The following WSCD2 variants were observed in gnomAD, a reference collection of about 807,000 sequenced individuals.
The protein encoded by WSCD2 is sialate:O-sulfotransferase 2.
A neutral mutation model predicts 55.7 loss-of-function variants in WSCD2; 28 were observed. That is an observed-to-expected ratio of 0.50 (90% CI 0.37 to 0.69). The LOEUF (loss-of-function observed/expected upper bound fraction) is 0.69. Among genes scored for constraint, WSCD2 ranks in the 30% least tolerant of loss-of-function variants. WSCD2 has a pLI of 0.00. For synonymous variants in WSCD2, 301 were observed against 301.9 expected (o/e 1.00, Z 0.03); for missense variants, 616 against 762.1 (o/e 0.81, Z 2.26).
intron 1 of WSCD2, among the ~76,000 whole-genome samples, chr12:108,187,239 G>A (rs1438688911): frequency 1.3e-5 from 2 of 152,184 alleles, no homozygotes; most frequent in Non-Finnish European, 2.9e-5. Context: ...AGCAAGGGGT[G>A]GGTGTCACAT....
At chr12:108,177,336 G>C (rs1028567828) in intron 1 of WSCD2, among the ~76,000 whole-genome samples, 1 of 152,166 alleles carries the variant, frequency 6.6e-6, no homozygotes, top group Admixed American at 6.5e-5. Flanking sequence ...CCCAGAGTGA[G>C]AGCCCCTGCT....
chr12:108,130,081 G>A (rs1176889619), intron 1 of WSCD2, among the ~76,000 whole-genome samples, 155 bp downstream of exon 1: 1 of 152,236 alleles, frequency 6.6e-6, no homozygotes, highest in Admixed American at 6.5e-5. Context: ...CGGCGAGTGA[G>A]GAACCCAGAG....
intron 2 of WSCD2, among the ~76,000 whole-genome samples, chr12:108,204,090 C>T (rs1007969497): frequency 1.3e-5 from 2 of 152,202 alleles, no homozygotes; most frequent in Admixed American, 6.5e-5. Context: ...TCAGTTGCCT[C>T]ATCTCTAAAA....
intron 1 of WSCD2, among the ~76,000 whole-genome samples, chr12:108,177,844 C>T (rs1219034228): frequency 6.6e-6 from 1 of 152,016 alleles, no homozygotes; most frequent in African/African-American, 2.4e-5. Flanking sequence ...GAGGGTGATT[C>T]GCTGAGAGGG....
chr12:108,146,057 A>G (rs774811115), intron 1 of WSCD2, among the ~76,000 whole-genome samples: 2 of 152,204 alleles, frequency 1.3e-5, no homozygotes, highest in Non-Finnish European at 2.9e-5. Context: ...AGGGGTCTCA[A>G]GGTGCTGGCA....
chr12:108,241,916 T>C (rs1365620772), intron 8 of WSCD2, among the ~76,000 whole-genome samples: 1 of 152,196 alleles, frequency 6.6e-6, no homozygotes, highest in Non-Finnish European at 1.5e-5. Flanking sequence ...TTCCATAAAG[T>C]GGTAGAGCTG....
At chr12:108,168,929 C>G (rs1879938638) in intron 1 of WSCD2, among the ~76,000 whole-genome samples, 1 of 152,212 alleles carries the variant, frequency 6.6e-6, no homozygotes. Flanking sequence ...CTGGGCCACA[C>G]AGCAGGAGGT....
chr12:108,198,496 C>CTGAT (rs1884246637), intron 2 of WSCD2, among the ~76,000 whole-genome samples: 2 of 152,294 alleles, frequency 1.3e-5, no homozygotes, highest in East Asian at 3.9e-4. Context: ...TCCATGTCCC[C>CTGAT]TGATAGAATA....
chr12:108,155,268 G>A (rs1160680892), intron 1 of WSCD2, among the ~76,000 whole-genome samples: 1 of 152,150 alleles, frequency 6.6e-6, no homozygotes, highest in Non-Finnish European at 1.5e-5. Flanking sequence ...TTGGTATATG[G>A]GGGTAGTGTT....
intron 4 of WSCD2, among the ~76,000 whole-genome samples, chr12:108,221,391 C>A (rs1221674124): frequency 6.6e-6 from 1 of 152,126 alleles, no homozygotes; most frequent in Non-Finnish European, 1.5e-5. Context: ...CCCATCTCTA[C>A]TAAAAATACA....
rs566601996 is a variant in WSCD2 at position 108,143,686 on chromosome 12, C to T, written c.-552+13760C>T. Among the ~76,000 whole-genome samples the T allele has an allele frequency of 2.5e-4, 38 of 152,256 alleles. 1 individual carries two copies. The highest frequency in any genetic ancestry group is 9.8e-4 in the Admixed American group (15 of 15,308). Reference sequence around the variant, plus strand: ...TGATAATATAGGCCAGACAGGGGCCCGTCAGTATCCAGGGCGATGGGAGGC... The same window carrying T: ...TGATAATATAGGCCAGACAGGGGCCTGTCAGTATCCAGGGCGATGGGAGGC... On this transcript the variant is annotated intron_variant, in intron 1 of 8. Coordinates refer to ENST00000547525, the MANE Select transcript of WSCD2 (RefSeq NM_014653.4).
At chr12:108,161,565 G>A (rs969598019) in intron 1 of WSCD2, among the ~76,000 whole-genome samples, 1 of 152,154 alleles carries the variant, frequency 6.6e-6, no homozygotes, top group Non-Finnish European at 1.5e-5. Context: ...TTCTCTCACA[G>A]CCCCCAGAGG....
At chr12:108,175,940 T>C (rs1003852293) in intron 1 of WSCD2, among the ~76,000 whole-genome samples, 2 of 152,002 alleles carry the variant, frequency 1.3e-5, no homozygotes, top group African/African-American at 4.8e-5. Context: ...CCTGGGTTCA[T>C]GCCATTCTCC....
intron 6 of WSCD2, among the ~76,000 whole-genome samples, chr12:108,228,510 C>G (rs968203029): frequency 1.1e-4 from 16 of 152,204 alleles, no homozygotes; most frequent in African/African-American, 3.9e-4. Context: ...GTCTGGAGAG[C>G]CAAGAAAACA....
At chr12:108,226,939 G>A in intron 5 of WSCD2, 51 bp from the exon 6 acceptor site, 1 of 1,574,422 alleles carries the variant, frequency 6.4e-7, no homozygotes, top group African/African-American at 1.4e-5. Context: ...GTCTGAAGCT[G>A]TCCAGGGATT....
At chr12:108,172,306 CCTA>C (rs1880327467) in intron 1 of WSCD2, among the ~76,000 whole-genome samples, 1 of 152,154 alleles carries the variant, frequency 6.6e-6, no homozygotes, top group African/African-American at 2.4e-5. Context: ...TCACAAAAGT[CCTA>C]CTTTTAGCCC....
In WSCD2 at chr12:108,249,542, C is replaced by T. The variant is rs369429969; in HGVS notation, c.*1199C>T. On this transcript the variant is annotated 3_prime_UTR_variant, in exon 9 of 9. Coordinates refer to ENST00000547525, the MANE Select transcript of WSCD2 (RefSeq NM_014653.4). ...TCCAGAGTCCCATCTCTTCCCCAAC[C>T]CTGGATACCAGTAGCTTCCCACCCA... 2.8e-4 allele frequency: 42 copies of T among 152,704 alleles called. No homozygotes were observed. Among genetic ancestry groups the T allele is most frequent in the African/African-American group, 8.7e-4 (36 of 41,562 alleles). 9.5% of individuals were successfully genotyped at this position (152,704 alleles called of 1,614,324 possible). A position where few individuals can be genotyped will look rare whatever the true frequency, so the allele number is the denominator to read the frequency against.
intron 4 of WSCD2, among the ~76,000 whole-genome samples, chr12:108,218,972 G>A (rs1364280463): frequency 6.6e-6 from 1 of 152,190 alleles, no homozygotes; most frequent in East Asian, 1.9e-4. Context: ...GGGGAAATAA[G>A]TATTTTTATC....
Position 108,248,750 on chromosome 12 carries a change from C to T in WSCD2, c.*407C>T. 3 of 998,684 alleles carry T rather than the reference C, an allele frequency of 3.0e-6. No homozygotes were observed. Among genetic ancestry groups the T allele is most frequent in the Non-Finnish European group, 2.4e-6 (2 of 836,898 alleles). 61.9% of individuals were successfully genotyped at this position (998,684 alleles called of 1,614,324 possible). ...AGAGCCCAGGGGGCTATTGTAAAAA[C>T]TTGGCCCCAGATGCTTGTCCCTTCT... On this transcript the variant is annotated 3_prime_UTR_variant, in exon 9 of 9. Coordinates refer to ENST00000547525, the MANE Select transcript of WSCD2 (RefSeq NM_014653.4). This position sits in a 1 kb window ranked among gnomAD's most constrained non-coding sequence, Gnocchi z 4.3.
Sources: allele counts gnomAD v4.1 joint callset (sites outside exome capture counted in the v4.1 genomes callset), GRCh38; gene constraint gnomAD v4.1.1; non-coding constraint Gnocchi (gnomAD v3.1); transcripts MANE v1.5; gene names NCBI Gene and HGNC (gene_info 2026-07-23, HGNC 2026-07-21).